The following EXOC4 variants were observed in gnomAD, a reference collection of about 807,000 sequenced individuals.
EXOC4 encodes exocyst complex component 4.
Under a neutral mutation model 107.2 loss-of-function variants are expected in EXOC4, and 71 were observed. The observed-to-expected ratio is 0.66, with a 90% confidence interval of 0.55 to 0.81. EXOC4 has a LOEUF of 0.81. Among genes scored for constraint, EXOC4 ranks in the 30% least tolerant of loss-of-function variants. EXOC4 has a pLI of 0.00. For missense variants in EXOC4, 1,108 were observed against 1,189.6 expected (o/e 0.93, Z 1.01); for synonymous variants, 456 against 441.2 (o/e 1.03, Z -0.42).
chr7:133,945,774 A>T (rs940328333), intron 14 of EXOC4, among the ~76,000 whole-genome samples: 2 of 152,184 alleles, frequency 1.3e-5, no homozygotes, highest in African/African-American at 2.4e-5. Context: ...AATATTTTCT[A>T]TGAGATGGAA....
Position 134,064,614 on chromosome 7 carries a change from A to C in EXOC4, c.*86A>C. On this transcript the variant is annotated 3_prime_UTR_variant, in exon 18 of 18. Transcript: ENST00000253861. ...ATGTTATTGAGTATATTCTGAGCTT[A>C]GTTTTCTCTACAGTGATACTTTAGT... The C allele has an allele frequency of 1.1e-6, 1 of 893,106 alleles. No homozygotes were observed. The highest frequency in any genetic ancestry group is 1.8e-5 in the South Asian group (1 of 54,224). The allele number at this position is 893,106 out of a possible 1,614,324, so 55.3% of individuals were successfully genotyped here.
chr7:133,856,897 G>A (rs548134769), intron 11 of EXOC4, among the ~76,000 whole-genome samples: 208 of 151,296 alleles, frequency 1.4e-3, no homozygotes, highest in African/African-American at 4.6e-3. Flanking sequence ...TCAGGAGATC[G>A]AGACCATCCT....
chr7:133,529,585 A>G (rs1397481177), intron 9 of EXOC4, among the ~76,000 whole-genome samples: 2 of 152,192 alleles, frequency 1.3e-5, no homozygotes, highest in Admixed American at 6.5e-5. Flanking sequence ...CTAAAACCCA[A>G]TTAGTAAATT....
intron 1 of EXOC4, among the ~76,000 whole-genome samples, chr7:133,264,217 T>G (rs556683929): frequency 6.6e-6 from 1 of 152,288 alleles, no homozygotes; most frequent in South Asian, 2.1e-4. Flanking sequence ...GATTTATAGC[T>G]TTTGGTCCCC....
intron 9 of EXOC4, among the ~76,000 whole-genome samples, chr7:133,598,992 A>T (rs1801746223): frequency 6.6e-6 from 1 of 152,004 alleles, no homozygotes; most frequent in South Asian, 2.1e-4. Flanking sequence ...TCCAATAACT[A>T]AATTAATTAA....
chr7:133,604,698 C>G (rs1801888287), intron 9 of EXOC4, among the ~76,000 whole-genome samples: 1 of 120,900 alleles, frequency 8.3e-6, no homozygotes, highest in Non-Finnish European at 1.8e-5. Context: ...TTCCTTCCTT[C>G]CTTCCTTCTT....
chr7:134,021,289 A>G (rs1795022287), intron 17 of EXOC4, among the ~76,000 whole-genome samples: 1 of 152,240 alleles, frequency 6.6e-6, no homozygotes, highest in Non-Finnish European at 1.5e-5. Flanking sequence ...ATTAATGAGG[A>G]AGGAAGTACT....
At chr7:133,353,610 G>A (rs1272924267) in intron 5 of EXOC4, among the ~76,000 whole-genome samples, 1 of 152,044 alleles carries the variant, frequency 6.6e-6, no homozygotes, top group African/African-American at 2.4e-5. Context: ...ATGTGTCATG[G>A]TGTAGGTCTC....
chr7:133,980,436 C>T (rs968484364), intron 14 of EXOC4, among the ~76,000 whole-genome samples: 2 of 152,196 alleles, frequency 1.3e-5, no homozygotes, highest in South Asian at 2.1e-4. Context: ...CTTACAATGA[C>T]CCTTTGAGGC....
chr7:133,729,635 A>G (rs1795285033), intron 10 of EXOC4, among the ~76,000 whole-genome samples: 1 of 152,168 alleles, frequency 6.6e-6, no homozygotes. Flanking sequence ...TACTTACAGA[A>G]TAACTTCTTT....
At chr7:133,346,342 C>T (rs529715082) in intron 5 of EXOC4, among the ~76,000 whole-genome samples, 5 of 152,166 alleles carry the variant, frequency 3.3e-5, no homozygotes, top group Non-Finnish European at 7.3e-5. Flanking sequence ...GCTTCTCCAT[C>T]CAGCGCTCAT....
chr7:133,924,125 A>G (rs1357646345), intron 13 of EXOC4, among the ~76,000 whole-genome samples: 2 of 152,184 alleles, frequency 1.3e-5, no homozygotes, highest in African/African-American at 2.4e-5. Flanking sequence ...CAGTATTACC[A>G]TAATATTTTC....
intron 10 of EXOC4, among the ~76,000 whole-genome samples, chr7:133,715,674 T>C (rs771571478): frequency 1.3e-5 from 2 of 152,216 alleles, no homozygotes; most frequent in Non-Finnish European, 2.9e-5. Context: ...AATTCAAAGC[T>C]GACCACTTTC....
intron 7 of EXOC4, among the ~76,000 whole-genome samples, chr7:133,451,021 AG>A (rs1798333016): frequency 6.6e-6 from 1 of 152,192 alleles, no homozygotes; most frequent in East Asian, 1.9e-4. Flanking sequence ...TTTGGTTTGG[AG>A]AATACAGACA....
At chr7:133,948,987 C>T (rs1800623184) in intron 14 of EXOC4, among the ~76,000 whole-genome samples, 1 of 152,210 alleles carries the variant, frequency 6.6e-6, no homozygotes, top group Non-Finnish European at 1.5e-5. Flanking sequence ...CCCAAAGCTA[C>T]AGCAGCAAGG....
intron 10 of EXOC4, among the ~76,000 whole-genome samples, chr7:133,719,897 T>G (rs1261436668): frequency 6.6e-6 from 1 of 151,034 alleles, no homozygotes; most frequent in East Asian, 1.9e-4. Context: ...AACTAACTTC[T>G]CAGGAAAGGA....
At chr7:133,302,491 A>T (rs1794662217) in intron 3 of EXOC4, among the ~76,000 whole-genome samples, 1 of 152,196 alleles carries the variant, frequency 6.6e-6, no homozygotes, top group Non-Finnish European at 1.5e-5. Flanking sequence ...GTGACTCATT[A>T]TTATATAGTA....
chr7:133,878,786 C>T lies in EXOC4; in HGVS notation c.1735-16813C>T, dbSNP rs372298917. The stretch of plus-strand genomic sequence containing the variant: ...TTGCCCAATCTGGAGTGCAGTGGCG[C>T]GATCTTGGCTCACTGCAGCCTCCAC... On this transcript the variant is annotated intron_variant, in intron 11 of 17. Transcript: ENST00000253861. 4.5e-4 allele frequency among the ~76,000 whole-genome samples: 68 copies of T among 152,180 alleles called. 1 individual carries two copies. In the South Asian group the frequency reaches 0.013, roughly 30 times the overall value.
chr7:133,873,393 A>G (rs1186416048), intron 11 of EXOC4, among the ~76,000 whole-genome samples: 1 of 152,162 alleles, frequency 6.6e-6, no homozygotes, highest in East Asian at 1.9e-4. Context: ...CTCCTAGAGG[A>G]TGGTTCACAA....
Sources: gnomAD v4.1 joint callset for allele counts (sites outside exome capture counted in the v4.1 genomes callset) on GRCh38, gnomAD v4.1.1 for gene constraint, MANE v1.5 for transcripts, NCBI Gene and HGNC (gene_info 2026-07-23, HGNC 2026-07-21) for gene names.